CHORDC1: variants seen among roughly 807,000 people sequenced by gnomAD.
The protein encoded by CHORDC1 is cysteine and histidine-rich domain-containing protein 1.
CHORDC1 carries 25 observed loss-of-function variants against 48.3 expected under a neutral mutation model. The ratio of observed to expected loss-of-function variants is 0.52; its 90% CI spans 0.38 to 0.72. CHORDC1 has a LOEUF of 0.72. Among genes scored for constraint, CHORDC1 ranks in the 30% least tolerant of loss-of-function variants. CHORDC1 has a pLI of 0.00. For missense variants in CHORDC1, 317 were observed against 388.7 expected (o/e 0.82, Z 1.55); for synonymous variants, 128 against 126.4 (o/e 1.01, Z -0.09).
rs968391508 is a variant in CHORDC1 at position 90,203,290 on chromosome 11, A to G, written c.789+18T>C. The G allele has an allele frequency of 5.1e-6, 8 of 1,554,030 alleles. No homozygotes were observed. The highest frequency in any genetic ancestry group is 7.0e-6 in the Non-Finnish European group (8 of 1,139,428). On this transcript the variant is annotated intron_variant, in intron 9 of 10. Coordinates refer to ENST00000320585, the MANE Select transcript of CHORDC1 (RefSeq NM_012124.3). ...GTATAGAAAAGAACTTTTACCCAAA[A>G]TTATAAGATGTACTTACCAATGTGC...
At chr11:90,222,619 C>A (rs1196927965) in intron 1 of CHORDC1, 3 of 664,270 alleles carry the variant, frequency 4.5e-6, no homozygotes. Context: ...AGTGCGGGGA[C>A]GACGGGGGAA....
chr11:90,202,219 AAC>A lies in CHORDC1; in HGVS notation c.*184_*185del, dbSNP rs1393273001. The A allele has an allele frequency of 5.1e-6, 3 of 592,104 alleles. No homozygotes were observed. Among genetic ancestry groups the A allele is most frequent in the Non-Finnish European group, 9.0e-6 (3 of 334,610 alleles). 36.7% of individuals were successfully genotyped at this position (592,104 alleles called of 1,614,324 possible). ...GAGAAATGAATAATCAATCTTACAT[AAC>A]ACAAAAGAAAGATGAGAGGCACAAA... is the stretch of plus-strand genomic sequence containing the variant. On this transcript the variant is annotated 3_prime_UTR_variant, in exon 11 of 11. Coordinates refer to ENST00000320585, the MANE Select transcript of CHORDC1 (RefSeq NM_012124.3).
In CHORDC1 at chr11:90,205,543, T is replaced by C. The variant is rs1462702192; in HGVS notation, c.586A>G (p.Arg196Gly). 1 of 1,596,046 alleles carries C rather than the reference T, an allele frequency of 6.3e-7. No individual in the cohort carries two copies. ...HEGMKYWSCC[R>G]RKTSDFNTFL... ...GTATTAAAATCAGAAGTTTTTCTTC[T>C]ACAACAGCTCCAGTATTTCATCCTT... The change falls in exon 8 of 11, where the codon AGA (arginine) becomes GGA (glycine). Residue 196 changes from arginine (R) to glycine (G), a missense_variant. Physicochemically the swap from Arg to Gly is moderately radical, Grantham distance 125. Transcript: ENST00000320585.
chr11:90,212,013 G>A (rs1223609377), intron 4 of CHORDC1: 1 of 152,218 alleles, frequency 6.6e-6, no homozygotes, highest in African/African-American at 2.4e-5. Flanking sequence ...ACATAGGCAA[G>A]GCATGGTCGC....
chr11:90,214,221 C>A, intron 3 of CHORDC1, 46 bp from the exon 4 acceptor site: 4 of 1,361,460 alleles, frequency 2.9e-6, no homozygotes, highest in Non-Finnish European at 4.0e-6. Flanking sequence ...TTTTACATTT[C>A]ATGATAGAAA....
chr11:90,217,719 A>C (rs1248767990), intron 2 of CHORDC1: 1 of 153,132 alleles, frequency 6.5e-6, no homozygotes, highest in Non-Finnish European at 1.5e-5. Context: ...GACCAATATG[A>C]TGAAACCCTG....
At chr11:90,203,477 T>C (rs1280021057) in intron 8 of CHORDC1, 50 bp from the exon 9 acceptor site, 1 of 1,480,006 alleles carries the variant, frequency 6.8e-7, no homozygotes, top group Non-Finnish European at 9.1e-7. Context: ...ACATAATTAA[T>C]TTCTTAAAAA....
intron 6 of CHORDC1, chr11:90,207,775 A>AC (rs1453438692): frequency 6.7e-6 from 1 of 148,880 alleles, no homozygotes; most frequent in Non-Finnish European, 1.5e-5. Flanking sequence ...AAAAAAAAAA[A>AC]AAACAAAAAA....
chr11:90,216,810 A>C (rs547750201), intron 2 of CHORDC1, among the ~76,000 whole-genome samples: 25 of 152,330 alleles, frequency 1.6e-4, no homozygotes, highest in Admixed American at 2.6e-4. Flanking sequence ...TGAGACACAT[A>C]AATAGAAATA....
chr11:90,215,828 A>T (rs1857997484), intron 2 of CHORDC1, among the ~76,000 whole-genome samples: 1 of 152,074 alleles, frequency 6.6e-6, no homozygotes, highest in African/African-American at 2.4e-5. Flanking sequence ...TTTAATAATT[A>T]TCTCTAAATT....
intron 6 of CHORDC1, 53 bp downstream of exon 6, chr11:90,210,483 C>T: frequency 1.7e-6 from 2 of 1,177,096 alleles, no homozygotes; most frequent in African/African-American, 1.5e-5. Flanking sequence ...ACTGCACTTT[C>T]CTCAAAATTA....
rs778866088 is a variant in CHORDC1 at position 90,218,115 on chromosome 11, A to G, written c.114+20T>C. On this transcript the variant is annotated intron_variant, in intron 2 of 10. Transcript: ENST00000320585. ...CAATTTACTACACAGATATGAAAAA[A>G]ATGAAAATATAGTTCCTACCTTTAA... is the stretch of plus-strand genomic sequence containing the variant. 2 of 1,534,172 alleles carry G rather than the reference A, an allele frequency of 1.3e-6. No homozygotes were observed. Among genetic ancestry groups the G allele is most frequent in the South Asian group, 2.5e-5 (2 of 81,104 alleles).
At chr11:90,218,083 C>T in intron 2 of CHORDC1, 52 bp downstream of exon 2, 1 of 1,255,232 alleles carries the variant, frequency 8.0e-7, no homozygotes, top group Non-Finnish European at 1.1e-6. Context: ...TTTAGTATTA[C>T]ATCTCTCAAT....
In CHORDC1 at chr11:90,222,976, G is replaced by C; in HGVS notation, c.-22C>G. The C allele has an allele frequency of 6.2e-7, 1 of 1,607,494 alleles. No individual in the cohort carries two copies. The highest frequency in any genetic ancestry group is 8.5e-7 in the Non-Finnish European group (1 of 1,174,158). ...CCATTTTCTTTTCCCACCGTCACAG[G>C]CAAGGCCCAAACACCGGGAACGGCA... On this transcript the variant is annotated 5_prime_UTR_variant, in exon 1 of 11. Coordinates refer to ENST00000320585, the MANE Select transcript of CHORDC1 (RefSeq NM_012124.3).
intron 8 of CHORDC1, among the ~76,000 whole-genome samples, chr11:90,205,220 G>A (rs1362385160): frequency 6.6e-6 from 1 of 152,118 alleles, no homozygotes; most frequent in Admixed American, 6.5e-5. Context: ...ATTTTGTCAG[G>A]CTTAAGTATT....
chr11:90,205,780 A>G, intron 7 of CHORDC1: 2 of 524,980 alleles, frequency 3.8e-6, no homozygotes, highest in Non-Finnish European at 6.7e-6. Flanking sequence ...ATTTCTATAA[A>G]CTAGAGCATA....
chr11:90,202,723 T>C, intron 10 of CHORDC1, 90 bp downstream of exon 10: 1 of 1,439,488 alleles, frequency 6.9e-7, no homozygotes, highest in Non-Finnish European at 9.5e-7. Flanking sequence ...CATCTATACT[T>C]TGCATCAATG....
At chr11:90,203,170 TTTAA>T (rs1857583136) in intron 9 of CHORDC1, 134 bp downstream of exon 9, 3 of 853,970 alleles carry the variant, frequency 3.5e-6, no homozygotes, top group Admixed American at 2.7e-5. Flanking sequence ...ATAGAAGTAA[TTTAA>T]TTTTTTTTAA....
At position 90,200,481 on chromosome 11, in the gene CHORDC1, G is replaced by A. The variant is rs1009638232; in HGVS notation, c.*1924C>T. 2.7e-4 allele frequency among the ~76,000 whole-genome samples: 41 copies of A among 151,942 alleles called. No individual in the cohort carries two copies. The highest frequency in any genetic ancestry group is 3.4e-3 in the Middle Eastern group (1 of 294). On this transcript the variant is annotated 3_prime_UTR_variant, in exon 11 of 11. Transcript: ENST00000320585. ...TTTTTATTAACTTTTTTGACAAACC[G>A]ATAGTAAAACATATGCTACCTAACG... is the stretch of plus-strand genomic sequence containing the variant.
Sources: allele counts gnomAD v4.1 joint callset (sites outside exome capture counted in the v4.1 genomes callset), GRCh38; gene constraint gnomAD v4.1.1; transcripts MANE v1.5; gene names NCBI Gene and HGNC (gene_info 2026-07-23, HGNC 2026-07-21).